The following PRKCH variants were observed in gnomAD, a reference collection of about 807,000 sequenced individuals.
The protein encoded by PRKCH is protein kinase C eta type.
A neutral mutation model predicts 82.5 loss-of-function variants in PRKCH; 28 were observed. That is an observed-to-expected ratio of 0.34 (90% CI 0.25 to 0.47). The LOEUF (loss-of-function observed/expected upper bound fraction) is 0.47, where lower values mean the gene tolerates loss of function less well. PRKCH is among the 20% of genes least tolerant of loss of function. The pLI, the probability that PRKCH is intolerant of heterozygous loss-of-function variation, is 1.00. For missense variants in PRKCH, 705 were observed against 881.8 expected (o/e 0.80, Z 2.54); for synonymous variants, 322 against 327.4 (o/e 0.98, Z 0.18).
At chr14:61,191,021 A>G (rs952085868) in intron 1 of PRKCH, among the ~76,000 whole-genome samples, 2 of 152,242 alleles carry the variant, frequency 1.3e-5, no homozygotes, top group Non-Finnish European at 2.9e-5. Context: ...CTTTCAATGA[A>G]AGGAGAGTCA....
chr14:61,283,585 G>A (rs1436099733), intron 1 of PRKCH, among the ~76,000 whole-genome samples: 2 of 152,086 alleles, frequency 1.3e-5, no homozygotes, highest in African/African-American at 2.4e-5. Flanking sequence ...GGTGGCTCAT[G>A]CCTATAATTC....
At chr14:61,492,216 T>C (rs1886477674) in intron 10 of PRKCH, 1 of 152,240 alleles carries the variant, frequency 6.6e-6, no homozygotes, top group African/African-American at 2.4e-5. Context: ...AGCTGATGAC[T>C]TCAAGATTTT....
rs1194735638 is a variant in PRKCH, at chr14:61,549,817, GA to G, written c.2040del (p.Glu680AspfsTer20). On this transcript the variant is annotated frameshift_variant, in exon 14 of 14. Transcript: ENST00000332981. LOFTEE classifies it high-confidence loss of function. The part of the protein sequence containing the change: ...EFRNFSYVSP[E>X]LQP Reference sequence around the variant, plus strand: ...TAGAAACTTTTCCTATGTGTCTCCAGAATTGCAACCATAGCCTTATGGGGAG... The same window carrying G: ...TAGAAACTTTTCCTATGTGTCTCCAGATTGCAACCATAGCCTTATGGGGAG... 1.2e-6 allele frequency: 2 copies of G among 1,613,886 alleles called. No homozygotes were observed. The highest frequency in any genetic ancestry group is 1.7e-6 in the Non-Finnish European group (2 of 1,180,004).
chr14:61,405,680 A>T (rs1043740323), intron 2 of PRKCH, among the ~76,000 whole-genome samples: 7 of 152,154 alleles, frequency 4.6e-5, no homozygotes, highest in Non-Finnish European at 8.8e-5. Context: ...GCCTGGCCAA[A>T]TCTTCTATTC....
chr14:61,230,263 G>T (rs2044732036), intron 1 of PRKCH, among the ~76,000 whole-genome samples: 1 of 152,032 alleles, frequency 6.6e-6, no homozygotes, highest in Non-Finnish European at 1.5e-5. Context: ...TTCGGACCCG[G>T]GGGTAGATTC....
chr14:61,500,860 A>G (rs1566915931), intron 10 of PRKCH, among the ~76,000 whole-genome samples: 1 of 152,156 alleles, frequency 6.6e-6, no homozygotes, highest in South Asian at 2.1e-4. Context: ...ATGTCAAAAT[A>G]GAGGTACCTA....
chr14:61,392,065 A>C (rs943924418), intron 2 of PRKCH, among the ~76,000 whole-genome samples: 1 of 152,080 alleles, frequency 6.6e-6, no homozygotes, highest in Non-Finnish European at 1.5e-5. Context: ...TAGAAGATTC[A>C]TATCATTGTG....
chr14:61,297,832 A>G (rs2045417385), intron 1 of PRKCH, among the ~76,000 whole-genome samples: 2 of 152,180 alleles, frequency 1.3e-5, no homozygotes, highest in Admixed American at 6.5e-5. Context: ...CCCCTGGTCT[A>G]GTGTGTTCTG....
rs1001718957 is a variant in PRKCH, at chr14:61,437,449, C to T, written c.428-5662C>T. On this transcript the variant is annotated intron_variant, in intron 2 of 13. Coordinates refer to ENST00000332981, the MANE Select transcript of PRKCH (RefSeq NM_006255.5). ...TTTTTCTCACAGTTGTTTTCTCCCA[C>T]GTGTACAAATGATAAAACAAATTAT... Among the ~76,000 whole-genome samples the T allele has an allele frequency of 5.3e-5, 8 of 152,098 alleles. No homozygotes were observed. The South Asian group carries it at 6.2e-4, about 12-fold the overall frequency.
At chr14:61,196,621 T>A (rs972224765) in intron 1 of PRKCH, among the ~76,000 whole-genome samples, 3 of 152,190 alleles carry the variant, frequency 2.0e-5, no homozygotes, top group Admixed American at 1.3e-4. Context: ...TTTGGCTGCA[T>A]AAATACAATA....
In PRKCH at chr14:61,280,012, G is replaced by T; in HGVS notation, c.-19+92344G>T. ...AAAAGCTAGGCGAGGTTGGAATTGGGTGACGGGCGAGGAGGAGATGCCAAA... is the reference window on the plus strand; with the variant it reads ...AAAAGCTAGGCGAGGTTGGAATTGGTTGACGGGCGAGGAGGAGATGCCAAA... On this transcript the variant is annotated intron_variant, in intron 1 of 3. Coordinates refer to the PRKCH transcript ENST00000555185. The surrounding 1 kb of genome is among the most constrained non-coding windows in gnomAD (Gnocchi z 5.0). 1.6e-6 allele frequency: 2 copies of T among 1,263,740 alleles called. No individual in the cohort carries two copies. Among genetic ancestry groups the T allele is most frequent in the Non-Finnish European group, 2.2e-6 (2 of 922,764 alleles). The allele number at this position is 1,263,740 out of a possible 1,614,324, so 78.3% of individuals were successfully genotyped here.
intron 9 of PRKCH, among the ~76,000 whole-genome samples, chr14:61,462,061 G>C (rs1244584175): frequency 2.0e-5 from 3 of 152,204 alleles, no homozygotes. Flanking sequence ...AGGATAAAGG[G>C]AATGTACCCC....
At chr14:61,531,788 C>G (rs766878630) in intron 12 of PRKCH, among the ~76,000 whole-genome samples, 29 of 152,194 alleles carry the variant, frequency 1.9e-4, no homozygotes, top group South Asian at 4.1e-4. Context: ...TATCTCCTAT[C>G]TAACATGTTT....
chr14:61,446,065 C>T (rs1884207020), intron 4 of PRKCH, among the ~76,000 whole-genome samples: 1 of 151,398 alleles, frequency 6.6e-6, no homozygotes, highest in Non-Finnish European at 1.5e-5. Flanking sequence ...TTTTACAATC[C>T]TATTGATAAT....
chr14:61,488,922 T>C (rs1404679544), intron 10 of PRKCH, among the ~76,000 whole-genome samples: 3 of 152,226 alleles, frequency 2.0e-5, no homozygotes, highest in Non-Finnish European at 4.4e-5. Context: ...AATCCCATGT[T>C]CAGGCTCTAA....
At position 61,280,731 on chromosome 14, in the gene PRKCH, C is replaced by G. The variant is rs2045252658; in HGVS notation, c.-19+93063C>G. 6.4e-7 allele frequency: 1 copy of G among 1,574,396 alleles called. No individual in the cohort carries two copies. Among genetic ancestry groups the G allele is most frequent in the South Asian group, 1.1e-5 (1 of 86,964 alleles). Reference sequence around the variant, plus strand: ...CGCACTCGTTGACAGGGTGGCGCAGCGCGCTGGGGAGTCCGCTCAGCTGCG... The same window carrying G: ...CGCACTCGTTGACAGGGTGGCGCAGGGCGCTGGGGAGTCCGCTCAGCTGCG... On this transcript the variant is annotated intron_variant, in intron 1 of 3. Transcript: ENST00000555185. This position sits in a 1 kb window ranked among gnomAD's most constrained non-coding sequence, Gnocchi z 5.0.
chr14:61,404,506 A>T (rs1203309226), intron 2 of PRKCH, among the ~76,000 whole-genome samples: 1 of 143,972 alleles, frequency 6.9e-6, no homozygotes, highest in African/African-American at 2.7e-5. Context: ...GTAGAAAACT[A>T]TGTAATGGAT....
rs2043174367 is a variant in PRKCH, at chr14:61,540,853, T to C, written c.1762-6890T>C. ...GCAGGATAGAGCACCTCTCCTTCTC[T>C]TGGCTCGTCCAGTATTCCATAGCAG... On this transcript the variant is annotated intron_variant, in intron 12 of 13. Coordinates refer to ENST00000332981, the MANE Select transcript of PRKCH (RefSeq NM_006255.5). Among the ~76,000 whole-genome samples, 2 of 152,192 alleles carry C rather than the reference T, an allele frequency of 1.3e-5. 1 individual carries two copies. The highest frequency in any genetic ancestry group is 4.1e-4 in the South Asian group (2 of 4,834).
intron 1 of PRKCH, among the ~76,000 whole-genome samples, chr14:61,378,213 T>G (rs1301946795): frequency 7.0e-6 from 1 of 143,614 alleles, no homozygotes; most frequent in East Asian, 1.9e-4. Context: ...TTTTTTTTTC[T>G]TTTTCTTTTT....
Sources: gnomAD v4.1 joint callset for allele counts (sites outside exome capture counted in the v4.1 genomes callset) on GRCh38, gnomAD v4.1.1 for gene constraint, Gnocchi (gnomAD v3.1) non-coding constraint, MANE v1.5 for transcripts, NCBI Gene and HGNC (gene_info 2026-07-23, HGNC 2026-07-21) for gene names.